The following PDE10A variants were observed in gnomAD, a reference collection of about 807,000 sequenced individuals.
The protein encoded by PDE10A is cAMP and cAMP-inhibited cGMP 3',5'-cyclic phosphodiesterase 10A.
A neutral mutation model predicts 97.7 loss-of-function variants in PDE10A; 39 were observed. That is an observed-to-expected ratio of 0.40 (90% CI 0.31 to 0.52). PDE10A has a LOEUF of 0.52. Ranked by LOEUF, PDE10A falls within the 20% of genes least tolerant of loss-of-function variation. The pLI is 0.56. For missense variants in PDE10A, 731 were observed against 1,047.8 expected (o/e 0.70, Z 4.17); for synonymous variants, 371 against 376.8 (o/e 0.98, Z 0.18).
At chr6:165,669,375 A>C (rs994211500) in intron 1 of PDE10A, among the ~76,000 whole-genome samples, 2 of 152,136 alleles carry the variant, frequency 1.3e-5, no homozygotes, top group Non-Finnish European at 2.9e-5. Flanking sequence ...TTGGGGTTTA[A>C]TTACTTTATG....
intron 3 of PDE10A, among the ~76,000 whole-genome samples, chr6:165,467,403 G>A (rs182513603): frequency 6.6e-6 from 1 of 152,174 alleles, no homozygotes; most frequent in Non-Finnish European, 1.5e-5. Context: ...TGGCTTCAAA[G>A]TTTCAAAGAA....
chr6:165,428,896 A>G (rs1789353800), intron 9 of PDE10A, among the ~76,000 whole-genome samples, 187 bp from the exon 10 acceptor site: 1 of 152,094 alleles, frequency 6.6e-6, no homozygotes, highest in Admixed American at 6.6e-5. Context: ...AGATAAATGA[A>G]ACTTTATGAT....
intron 1 of PDE10A, among the ~76,000 whole-genome samples, chr6:165,904,329 G>C (rs1298209485): frequency 2.6e-5 from 4 of 152,264 alleles, no homozygotes; most frequent in Admixed American, 6.5e-5. Flanking sequence ...AGACCTCCAT[G>C]GGTCTGGATG....
chr6:165,835,169 T>A (rs1465525970), intron 1 of PDE10A, among the ~76,000 whole-genome samples: 2 of 152,208 alleles, frequency 1.3e-5, no homozygotes, highest in Non-Finnish European at 2.9e-5. Flanking sequence ...CAAGGCTGGA[T>A]CCTGATGGGT....
chr6:165,789,178 T>C (rs1310649776), intron 1 of PDE10A, among the ~76,000 whole-genome samples: 1 of 152,250 alleles, frequency 6.6e-6, no homozygotes, highest in African/African-American at 2.4e-5. Context: ...ACACAAATGC[T>C]GGTGGACCAC....
chr6:165,374,668 T>C (rs113625386), intron 18 of PDE10A, among the ~76,000 whole-genome samples: 5 of 152,188 alleles, frequency 3.3e-5, no homozygotes, highest in African/African-American at 7.2e-5. Context: ...ATGTAATATA[T>C]GTATAAATTG....
intron 3 of PDE10A, among the ~76,000 whole-genome samples, chr6:165,479,951 C>A (rs933557334): frequency 6.6e-6 from 1 of 152,174 alleles, no homozygotes; most frequent in African/African-American, 2.4e-5. Flanking sequence ...AAAACTAATT[C>A]TCCATTAAAA....
chr6:165,449,769 C>T (rs763162381), intron 4 of PDE10A, among the ~76,000 whole-genome samples: 8 of 151,984 alleles, frequency 5.3e-5, no homozygotes, highest in Non-Finnish European at 8.8e-5. Context: ...TAGTGGGTAT[C>T]CTTCTGAAAA....
chr6:165,944,078 C>G (rs1348069372), intron 1 of PDE10A, among the ~76,000 whole-genome samples: 1 of 152,220 alleles, frequency 6.6e-6, no homozygotes, highest in Non-Finnish European at 1.5e-5. Context: ...AAAGGGGAAG[C>G]AAATGCCTCC....
At chr6:165,957,676 A>C (rs1000114542) in intron 1 of PDE10A, among the ~76,000 whole-genome samples, 1 of 152,316 alleles carries the variant, frequency 6.6e-6, no homozygotes, top group Middle Eastern at 3.4e-3. Context: ...CCTCCTTATT[A>C]ATGAAGGTGC....
chr6:165,394,445 A>T (rs960566917), intron 15 of PDE10A, among the ~76,000 whole-genome samples: 3 of 151,838 alleles, frequency 2.0e-5, no homozygotes, highest in African/African-American at 7.3e-5. Context: ...TATGTGCCAC[A>T]TTTTCTTTAT....
At chr6:165,393,390 C>G (rs1470829434) in intron 15 of PDE10A, among the ~76,000 whole-genome samples, 1 of 151,168 alleles carries the variant, frequency 6.6e-6, no homozygotes, top group East Asian at 1.9e-4. Flanking sequence ...TATAGTTATA[C>G]TATATTTTTA....
At chr6:165,883,194 C>A (rs1169057030) in intron 1 of PDE10A, among the ~76,000 whole-genome samples, 2 of 152,032 alleles carry the variant, frequency 1.3e-5, no homozygotes, top group African/African-American at 4.8e-5. Context: ...CAAGATCGTG[C>A]CACTGCACTC....
intron 1 of PDE10A, among the ~76,000 whole-genome samples, chr6:165,920,105 C>T (rs539912177): frequency 5.9e-5 from 9 of 152,306 alleles, no homozygotes; most frequent in African/African-American, 2.2e-4. Flanking sequence ...TATCTGGTTA[C>T]AAATTTTTTT....
At chr6:165,757,124 A>C (rs767265775) in intron 1 of PDE10A, among the ~76,000 whole-genome samples, 12 of 151,804 alleles carry the variant, frequency 7.9e-5, no homozygotes, top group Non-Finnish European at 1.6e-4. Flanking sequence ...CCACCACCAC[A>C]TCCGGCTAAT....
At chr6:165,519,105 T>C (rs1781987747) in intron 2 of PDE10A, among the ~76,000 whole-genome samples, 1 of 152,186 alleles carries the variant, frequency 6.6e-6, no homozygotes, top group South Asian at 2.1e-4. Context: ...AAAAAGAACA[T>C]TTTCACATTG....
chr6:165,746,092 C>A (rs768038186), intron 1 of PDE10A, among the ~76,000 whole-genome samples: 3 of 152,152 alleles, frequency 2.0e-5, no homozygotes, highest in Non-Finnish European at 2.9e-5. Context: ...TTGGGCCCTG[C>A]CACAAGCATC....
intron 6 of PDE10A, among the ~76,000 whole-genome samples, chr6:165,434,978 T>C (rs1789891729): frequency 6.6e-6 from 1 of 152,190 alleles, no homozygotes; most frequent in African/African-American, 2.4e-5. Flanking sequence ...TTTACATTCA[T>C]ATGAATATAC....
intron 1 of PDE10A, among the ~76,000 whole-genome samples, chr6:165,879,880 C>T (rs1202041916): frequency 2.0e-5 from 3 of 148,864 alleles, no homozygotes; most frequent in African/African-American, 2.5e-5. Context: ...ACCGTGTCTC[C>T]AAATTAGGTC....
Sources: gnomAD v4.1 joint callset for allele counts (sites outside exome capture counted in the v4.1 genomes callset) on GRCh38, gnomAD v4.1.1 for gene constraint, MANE v1.5 for transcripts, NCBI Gene and HGNC (gene_info 2026-07-23, HGNC 2026-07-21) for gene names.